TTC12: variants seen among roughly 807,000 people sequenced by gnomAD.
The protein encoded by TTC12 is tetratricopeptide repeat domain 12, also known as tetratricopeptide repeat protein 12.
TTC12 carries 70 observed loss-of-function variants against 90.1 expected under a neutral mutation model. The observed-to-expected ratio is 0.78, with a 90% CI of 0.64 to 0.95. TTC12 has a LOEUF of 0.95. Ranked by LOEUF, TTC12 falls within the 40% of genes least tolerant of loss-of-function variation. The probability of loss-of-function intolerance (pLI) is 0.00; values close to 1 mark genes in which losing one functional copy is unlikely to be tolerated. For missense variants in TTC12, 819 were observed against 846.1 expected (o/e 0.97, Z 0.40); for synonymous variants, 296 against 311.5 (o/e 0.95, Z 0.53).
intron 16 of TTC12, among the ~76,000 whole-genome samples, chr11:113,353,048 T>G (rs1565616505): frequency 6.6e-6 from 1 of 152,258 alleles, no homozygotes; most frequent in Non-Finnish European, 1.5e-5. Flanking sequence ...ATAGCCACAC[T>G]GTCTTCCACA....
chr11:113,341,600 G>A (rs781228973), intron 11 of TTC12: 159 of 519,846 alleles, frequency 3.1e-4, no homozygotes, highest in Non-Finnish European at 4.9e-4. Context: ...TGCAGCCATC[G>A]CCCATGGCCC....
Position 113,323,314 on chromosome 11 carries a change from G to C in TTC12, c.85G>C (p.Asp29His), listed in dbSNP as rs139700832. 24 of 1,604,214 alleles carry C rather than the reference G, an allele frequency of 1.5e-5. No individual in the cohort carries two copies. Among genetic ancestry groups the C allele is most frequent in the South Asian group, 7.9e-5 (7 of 88,874 alleles). The change falls in exon 3 of 22, where the codon GAT (aspartate) becomes CAT (histidine). Residue 29 changes from aspartate (D) to histidine (H), a missense_variant. Asp to His is a moderately conservative substitution (Grantham distance 81). Coordinates refer to ENST00000529221, the MANE Select transcript of TTC12 (RefSeq NM_017868.4). ...CAATTTAATTCAGGAGATGAATTCT[G>C]ATGACCCAGTTGTGCAACAGAAAGC... ...ISNLIQEMNSDDPVVQQKAVL... is the reference protein window; with the variant it reads ...ISNLIQEMNSHDPVVQQKAVL...
chr11:113,351,169 C>T (rs890978981), intron 14 of TTC12, 70 bp from the exon 15 acceptor site: 1 of 1,422,558 alleles, frequency 7.0e-7, no homozygotes, highest in Non-Finnish European at 9.9e-7. Context: ...CATTAACTAT[C>T]TGAGACACTG....
intron 20 of TTC12, among the ~76,000 whole-genome samples, chr11:113,364,151 G>A (rs1950085055): frequency 6.6e-6 from 1 of 152,246 alleles, no homozygotes; most frequent in Non-Finnish European, 1.5e-5. Context: ...CCAGCTGACA[G>A]ATGGCTCAAA....
intron 16 of TTC12, among the ~76,000 whole-genome samples, chr11:113,358,943 T>C (rs7939992): frequency 0.39 from 58,871 of 151,702 alleles, 12,459 homozygotes; most frequent in Non-Finnish European, 0.48. Context: ...GCATCTTCCC[T>C]TCATCTACTC....
At chr11:113,350,288 C>G (rs1949192954) in intron 14 of TTC12, 123 bp downstream of exon 14, 1 of 733,344 alleles carries the variant, frequency 1.4e-6, no homozygotes, top group African/African-American at 1.8e-5. Context: ...TTGCAAGATT[C>G]ACTGAGTAGG....
Position 113,344,323 on chromosome 11 carries a change from C to T in TTC12, c.1037C>T (p.Ala346Val), listed in dbSNP as rs782400195. The change falls in exon 13 of 22, where the codon GCC becomes GTC. Residue 346 changes from alanine (A) to valine (V), a missense_variant. By Grantham distance (64) the Ala-to-Val change is moderately conservative. Coordinates refer to ENST00000529221, the MANE Select transcript of TTC12 (RefSeq NM_017868.4). Reference protein sequence around the residue: ...VIHHDRARLLAALLSSKVLAI... With the variant: ...VIHHDRARLLVALLSSKVLAI... ...CACCATGACAGGGCCAGGCTGTTGG[C>T]CGCCCTCTTGTCCTCCAAGGTCCTG... 5.6e-6 allele frequency: 9 copies of T among 1,614,058 alleles called. No individual in the cohort carries two copies. The East Asian group carries it at 1.8e-4, about 32-fold the overall frequency.
At chr11:113,368,281 C>G, downstream of TTC12, 2 of 1,534,658 alleles carry the variant, frequency 1.3e-6, no homozygotes, top group Non-Finnish European at 1.7e-6. Context: ...GTTTCACATG[C>G]TAGTATTCTC....
At chr11:113,317,968 T>A (rs1217588544) in intron 2 of TTC12, among the ~76,000 whole-genome samples, 2 of 152,226 alleles carry the variant, frequency 1.3e-5, no homozygotes, top group African/African-American at 4.8e-5. Flanking sequence ...AAATATGGCT[T>A]ATAACTCCAC....
intron 13 of TTC12, among the ~76,000 whole-genome samples, chr11:113,346,102 T>C (rs1482621968): frequency 6.6e-6 from 1 of 152,178 alleles, no homozygotes; most frequent in Non-Finnish European, 1.5e-5. Flanking sequence ...AGCACACGTA[T>C]CACATTCCTC....
chr11:113,318,743 TAAG>T (rs1555136943), intron 2 of TTC12, among the ~76,000 whole-genome samples: 1 of 151,954 alleles, frequency 6.6e-6, no homozygotes, highest in Non-Finnish European at 1.5e-5. Context: ...GGGTGGGAAG[TAAG>T]GAGGTAGGAA....
At chr11:113,317,922 A>G (rs146499725) in intron 2 of TTC12, among the ~76,000 whole-genome samples, 37 of 152,280 alleles carry the variant, frequency 2.4e-4, no homozygotes, top group African/African-American at 8.9e-4. Flanking sequence ...ACTGTCCACT[A>G]TGGTAGCAAC....
chr11:113,370,419 C>T (rs763826376), downstream of TTC12, among the ~76,000 whole-genome samples: 1 of 152,226 alleles, frequency 6.6e-6, no homozygotes, highest in Non-Finnish European at 1.5e-5. Context: ...CATCCAGTTG[C>T]CCACCACCTC....
chr11:113,318,026 G>A (rs1276282854), intron 2 of TTC12, among the ~76,000 whole-genome samples: 1 of 152,176 alleles, frequency 6.6e-6, no homozygotes, highest in African/African-American at 2.4e-5. Flanking sequence ...CTGCAGCCCA[G>A]GTTTGAAATG....
At chr11:113,337,911 G>A (rs1368723712) in intron 8 of TTC12, among the ~76,000 whole-genome samples, 1 of 152,062 alleles carries the variant, frequency 6.6e-6, no homozygotes, top group Non-Finnish European at 1.5e-5. Context: ...TTAGATCTAG[G>A]GTTGAAGAGA....
intron 21 of TTC12, chr11:113,365,396 C>T (rs1182434192): frequency 3.7e-6 from 1 of 268,102 alleles, no homozygotes; most frequent in Non-Finnish European, 7.4e-6. Flanking sequence ...CTCCCTCCCA[C>T]TCCACCTCCC....
At chr11:113,349,299 T>C (rs1404916422) in intron 13 of TTC12, among the ~76,000 whole-genome samples, 2 of 152,208 alleles carry the variant, frequency 1.3e-5, no homozygotes, top group African/African-American at 4.8e-5. Context: ...TTTATTTACA[T>C]GTGTATCACT....
At chr11:113,366,667 A>G (rs1358488007), downstream of TTC12, among the ~76,000 whole-genome samples, 1 of 152,236 alleles carries the variant, frequency 6.6e-6, no homozygotes, top group Admixed American at 6.5e-5. Flanking sequence ...TCTGCTGGCA[A>G]TATGCTAGAA....
rs782002023 is a variant in TTC12, at chr11:113,325,637, C to A, written c.436C>A (p.Arg146=). ...LKDMKVLYTN[R]AQAYMKLEDY... ...GGACATGAAAGTGCTGTACACCAAC[C>A]GAGCCCAGGTCAGTGAGGCAGGGAT... Residue 146 remains arginine (R), a synonymous_variant, in exon 6 of 22, where the codon CGA becomes AGA. Coordinates refer to ENST00000529221, the MANE Select transcript of TTC12 (RefSeq NM_017868.4). The A allele has an allele frequency of 2.0e-5, 33 of 1,613,694 alleles. No individual in the cohort carries two copies. Among genetic ancestry groups the A allele is most frequent in the Non-Finnish European group, 2.6e-5 (31 of 1,179,786 alleles).
Sources: allele counts gnomAD v4.1 joint callset (sites outside exome capture counted in the v4.1 genomes callset), GRCh38; gene constraint gnomAD v4.1.1; transcripts MANE v1.5; gene names NCBI Gene and HGNC (gene_info 2026-07-23, HGNC 2026-07-21).